The following FHOD3 variants were observed in gnomAD, a reference collection of about 807,000 sequenced individuals.
The protein encoded by FHOD3 is formin homology 2 domain containing 3.
Under a neutral mutation model 173.0 loss-of-function variants are expected in FHOD3, and 90 were observed. That is an observed-to-expected ratio of 0.52 (90% confidence interval 0.44 to 0.62). The LOEUF is 0.62. Ranked by LOEUF, FHOD3 falls within the 20% of genes least tolerant of loss-of-function variation. FHOD3 has a pLI of 0.00. For missense variants in FHOD3, 1,945 were observed against 2,034.7 expected (o/e 0.96, Z 0.85); for synonymous variants, 828 against 823.0 (o/e 1.01, Z -0.10).
chr18:36,599,802 C>T (rs1400645488), intron 7 of FHOD3, among the ~76,000 whole-genome samples: 2 of 152,146 alleles, frequency 1.3e-5, no homozygotes, highest in African/African-American at 2.4e-5. Context: ...ACCACCATTA[C>T]AATTACAGCT....
chr18:36,699,109 G>A (rs1458526928), intron 17 of FHOD3, among the ~76,000 whole-genome samples: 1 of 152,200 alleles, frequency 6.6e-6, no homozygotes, highest in Non-Finnish European at 1.5e-5. Context: ...AGATAGTGCA[G>A]AAAAGACTAT....
chr18:36,757,876 G>A (rs1053838187), intron 25 of FHOD3, among the ~76,000 whole-genome samples: 4 of 152,130 alleles, frequency 2.6e-5, no homozygotes, highest in African/African-American at 4.8e-5. Flanking sequence ...CCTTTCTGCC[G>A]CATTCACACT....
At chr18:36,488,020 C>T (rs1025805875) in intron 3 of FHOD3, among the ~76,000 whole-genome samples, 1 of 152,184 alleles carries the variant, frequency 6.6e-6, no homozygotes, top group Non-Finnish European at 1.5e-5. Flanking sequence ...TCTTCTGTTC[C>T]CCATTCATTA....
chr18:36,523,152 G>A, intron 5 of FHOD3, among the ~76,000 whole-genome samples: 1 of 152,120 alleles, frequency 6.6e-6, no homozygotes, highest in Non-Finnish European at 1.5e-5. Context: ...CAACTGCTGG[G>A]GCTGATGTTC....
intron 8 of FHOD3, among the ~76,000 whole-genome samples, chr18:36,611,524 T>A (rs2032673792): frequency 6.6e-6 from 1 of 152,184 alleles, no homozygotes; most frequent in Non-Finnish European, 1.5e-5. Flanking sequence ...GATAATCTCT[T>A]TCCAGTCCAG....
chr18:36,443,842 C>T (rs2051296339), intron 3 of FHOD3, among the ~76,000 whole-genome samples: 3 of 152,140 alleles, frequency 2.0e-5, no homozygotes, highest in African/African-American at 4.8e-5. Flanking sequence ...TAGTCTTTCC[C>T]TTTTATTTGT....
chr18:36,668,038 GA>G (rs1301672274), intron 14 of FHOD3, among the ~76,000 whole-genome samples: 1 of 152,082 alleles, frequency 6.6e-6, no homozygotes, highest in Admixed American at 6.5e-5. Context: ...AAAATGAGGG[GA>G]AACATACTCC....
intron 7 of FHOD3, among the ~76,000 whole-genome samples, chr18:36,600,252 AACACACACACACACACACAC>A (rs67473480): frequency 3.5e-5 from 5 of 143,068 alleles, no homozygotes; most frequent in African/African-American, 7.8e-5. Context: ...TCTCCTCTGC[AACACACACACACACACACAC>A]ACACACACAC....
In FHOD3 at chr18:36,740,778, C is replaced by T. The variant is rs199563715; in HGVS notation, c.3699C>T (p.Ser1233=). The change falls in exon 21 of 29, where the codon AGC becomes AGT. Residue 1233 remains serine, a synonymous_variant. Transcript: ENST00000590592. The part of the protein sequence containing the change: ...EQFLLTLSSI[S]ELSARLHLWA... ...TCCTCCTCACCCTGTCCTCCATCAG[C>T]GAGCTCTCTGCACGACTTCACCTCT... is the stretch of plus-strand genomic sequence containing the variant. 1.5e-5 allele frequency: 24 copies of T among 1,613,926 alleles called. No individual in the cohort carries two copies. The highest frequency in any genetic ancestry group is 3.3e-5 in the South Asian group (3 of 91,054).
At chr18:36,339,234 G>A (rs967472454) in intron 1 of FHOD3, among the ~76,000 whole-genome samples, 3 of 152,082 alleles carry the variant, frequency 2.0e-5, no homozygotes, top group Admixed American at 1.3e-4. Flanking sequence ...CAAGGGCACT[G>A]GGCAGTAGGG....
intron 3 of FHOD3, among the ~76,000 whole-genome samples, chr18:36,374,782 C>A (rs928804275): frequency 6.6e-6 from 1 of 152,202 alleles, no homozygotes; most frequent in Non-Finnish European, 1.5e-5. Context: ...CACAGGTAGA[C>A]CGGCATGTTT....
At chr18:36,330,309 C>G (rs1276631416) in intron 1 of FHOD3, among the ~76,000 whole-genome samples, 4 of 152,120 alleles carry the variant, frequency 2.6e-5, no homozygotes, top group Non-Finnish European at 4.4e-5. Flanking sequence ...AGAAAAGATA[C>G]CCAAAGTAGC....
At chr18:36,324,268 A>G (rs866227758) in intron 1 of FHOD3, among the ~76,000 whole-genome samples, 1 of 152,390 alleles carries the variant, frequency 6.6e-6, no homozygotes, top group South Asian at 2.1e-4. Context: ...AAGGTAAAAC[A>G]ATAAAGCCCC....
rs541558812 is a variant in FHOD3 at position 36,740,983 on chromosome 18, C to T, written c.3759+145C>T. On this transcript the variant is annotated intron_variant, in intron 21 of 28. Coordinates refer to ENST00000590592, the MANE Select transcript of FHOD3 (RefSeq NM_001281740.3). ...ATTGACAATGAGGAGGTCGTGTGTA[C>T]ACCAAGTGATCAGCAGCTGGCCAAT... The T allele has an allele frequency of 4.2e-5, 31 of 743,752 alleles. No homozygotes were observed. In the African/African-American group the frequency reaches 5.4e-4, roughly 13 times the overall value. 46.1% of individuals were successfully genotyped at this position (743,752 alleles called of 1,614,324 possible). A position where few individuals can be genotyped will look rare whatever the true frequency, so the allele number is the denominator to read the frequency against.
At chr18:36,746,809 G>A (rs1377623056) in intron 23 of FHOD3, 136 bp from the exon 24 acceptor site, 1 of 583,318 alleles carries the variant, frequency 1.7e-6, no homozygotes, top group African/African-American at 1.9e-5. Context: ...ATAATTTTTA[G>A]GCTGTAAATA....
At chr18:36,675,561 T>A (rs2037801810) in intron 14 of FHOD3, among the ~76,000 whole-genome samples, 2 of 152,188 alleles carry the variant, frequency 1.3e-5, no homozygotes, top group Non-Finnish European at 2.9e-5. Flanking sequence ...CTGGATAGCC[T>A]GCCTTTTGAT....
intron 3 of FHOD3, among the ~76,000 whole-genome samples, chr18:36,496,698 G>A (rs116225161): frequency 5.9e-4 from 90 of 152,224 alleles, no homozygotes; most frequent in African/African-American, 2.1e-3. Flanking sequence ...CAACCATGAT[G>A]ATGACGCTAG....
intron 20 of FHOD3, 55 bp from the exon 21 acceptor site, chr18:36,740,601 A>G (rs2150039776): frequency 7.0e-7 from 1 of 1,427,014 alleles, no homozygotes; most frequent in Non-Finnish European, 9.6e-7. Flanking sequence ...CATTGAAGGG[A>G]CAGGGGAGGG....
intron 7 of FHOD3, among the ~76,000 whole-genome samples, chr18:36,598,500 G>A (rs2030840386): frequency 6.6e-6 from 1 of 152,298 alleles, no homozygotes; most frequent in Non-Finnish European, 1.5e-5. Context: ...AGCCAAAGGG[G>A]TTAAAGTCCA....
Sources: allele counts gnomAD v4.1 joint callset (sites outside exome capture counted in the v4.1 genomes callset), GRCh38; gene constraint gnomAD v4.1.1; transcripts MANE v1.5; gene names NCBI Gene and HGNC (gene_info 2026-07-23, HGNC 2026-07-21).